CES5A: variants seen among roughly 807,000 people sequenced by gnomAD.
CES5A encodes carboxylesterase 5A.
In CES5A, 67 loss-of-function variants were observed where a neutral mutation model predicts 62.9. That is an observed-to-expected ratio of 1.07 (90% CI 0.88 to 1.31). The LOEUF is 1.31. CES5A is among the 50% of genes most tolerant of loss of function. The pLI, the probability that CES5A is intolerant of heterozygous loss-of-function variation, is 0.00. For synonymous variants in CES5A, 296 were observed against 280.8 expected (o/e 1.05, Z -0.54); for missense variants, 748 against 708.5 (o/e 1.06, Z -0.63).
chr16:55,863,316 G>C (rs184756559), intron 6 of CES5A, 32 bp downstream of exon 6: 1 of 1,108,478 alleles, frequency 9.0e-7, no homozygotes, highest in East Asian at 2.4e-5. Flanking sequence ...ACTGAGGAGA[G>C]GAAGGTGGCA....
At chr16:55,870,641 T>C (rs1461429170) in intron 3 of CES5A, among the ~76,000 whole-genome samples, 1 of 152,120 alleles carries the variant, frequency 6.6e-6, no homozygotes, top group Non-Finnish European at 1.5e-5. Flanking sequence ...AAGGTCGCAG[T>C]GAGCCAAGTT....
At chr16:55,933,113 T>C (rs531066694) in intron 2 of CES5A, among the ~76,000 whole-genome samples, 1 of 152,324 alleles carries the variant, frequency 6.6e-6, no homozygotes, top group South Asian at 2.1e-4. Context: ...CCATTTGGAA[T>C]ACATGGCCTT....
intron 2 of CES5A, chr16:55,943,913 G>A (rs968450741): frequency 4.8e-6 from 3 of 627,238 alleles, no homozygotes; most frequent in South Asian, 3.6e-5. Context: ...TATCCAGTAA[G>A]AGGGTCTAGA....
chr16:55,948,582 GCTAT>G (rs1197490924), intron 2 of CES5A, among the ~76,000 whole-genome samples: 1 of 152,118 alleles, frequency 6.6e-6, no homozygotes, highest in African/African-American at 2.4e-5. Flanking sequence ...CTATCTTGTA[GCTAT>G]CTATTTATGA....
rs566610044 is a variant in CES5A at position 55,865,989 on chromosome 16, C to G, written c.679G>C (p.Ala227Pro). 6.8e-6 allele frequency: 11 copies of G among 1,614,118 alleles called. No homozygotes were observed. The highest frequency in any genetic ancestry group is 6.7e-5 in the East Asian group (3 of 44,894). Residue 227 changes from alanine (A) to proline (P), a missense_variant, in exon 5 of 13, where the codon GCG (alanine) becomes CCG (proline). Physicochemically the swap from Ala to Pro is conservative, Grantham distance 27. Coordinates refer to ENST00000290567, the MANE Select transcript of CES5A (RefSeq NM_001143685.2). ...PSSVTIFGESAGAISVSSLIL... is the reference protein window; with the variant it reads ...PSSVTIFGESPGAISVSSLIL... ...AGACTAGAAACACTTATGGCTCCCG[C>G]GGACTCGCCAAAGATGGTCACAGAG...
chr16:55,875,119 A>G (rs2033670437), intron 1 of CES5A, 30 bp downstream of exon 1: 1 of 1,604,052 alleles, frequency 6.2e-7, no homozygotes, highest in African/African-American at 1.3e-5. Flanking sequence ...CCATCTTCTG[A>G]GAGCCCTCCT....
chr16:55,930,210 A>C (rs2034296324), upstream of CES5A, among the ~76,000 whole-genome samples: 1 of 148,418 alleles, frequency 6.7e-6, no homozygotes, highest in Non-Finnish European at 1.5e-5. Context: ...AGAACCCCCC[A>C]CAATTCAGCA....
In CES5A at chr16:55,846,663, G is replaced by A; in HGVS notation, c.1516C>T (p.Leu506=). Reference sequence around the variant, plus strand: ...AGATTATAAGCTGGCCACAGAGACAGGTCGTTCCCATTAGGATTCCTAGAA... The same window carrying A: ...AGATTATAAGCTGGCCACAGAGACAAGTCGTTCCCATTAGGATTCCTAGAA... ...ARTGNPNGND[L]SLWPAYNLTE... The change falls in exon 13 of 13, where the codon CTG becomes TTG. Residue 506 remains leucine (L), a synonymous_variant. Transcript: ENST00000290567. 1 of 1,614,130 alleles carries A rather than the reference G, an allele frequency of 6.2e-7. No individual in the cohort carries two copies. The highest frequency in any genetic ancestry group is 8.5e-7 in the Non-Finnish European group (1 of 1,180,002).
At chr16:55,946,356 T>TG (rs1402085189) in intron 2 of CES5A, among the ~76,000 whole-genome samples, 1 of 151,842 alleles carries the variant, frequency 6.6e-6, no homozygotes, top group Non-Finnish European at 1.5e-5. Context: ...GGGAGCCTTG[T>TG]GAAAAAAAAA....
chr16:55,899,649 G>A (rs28441339), intron 1 of CES5A, among the ~76,000 whole-genome samples: 19,415 of 152,156 alleles, frequency 0.13, 1,433 homozygotes, highest in South Asian at 0.17. Flanking sequence ...TAAAGCAGTC[G>A]TTCCCAACCA....
At chr16:55,889,796 C>A (rs1269707012) in intron 1 of CES5A, among the ~76,000 whole-genome samples, 1 of 152,182 alleles carries the variant, frequency 6.6e-6, no homozygotes, top group Non-Finnish European at 1.5e-5. Context: ...CAGCTCCCAT[C>A]CTCTGGCTAT....
chr16:55,948,283 C>T (rs962421089), intron 2 of CES5A, among the ~76,000 whole-genome samples: 1 of 152,016 alleles, frequency 6.6e-6, no homozygotes, highest in Non-Finnish European at 1.5e-5. Context: ...AGGATATGGT[C>T]ACATTTTTCT....
chr16:55,931,359 C>T (rs903398736), intron 2 of CES5A, among the ~76,000 whole-genome samples: 1 of 152,232 alleles, frequency 6.6e-6, no homozygotes, highest in Non-Finnish European at 1.5e-5. Flanking sequence ...AGGTCCTCCA[C>T]CTCACCATGA....
chr16:55,858,837 A>G (rs2033295538), intron 8 of CES5A, among the ~76,000 whole-genome samples: 1 of 152,222 alleles, frequency 6.6e-6, no homozygotes, highest in Admixed American at 6.5e-5. Context: ...TCAAAAAATC[A>G]TGGGTCTTTC....
intron 1 of CES5A, among the ~76,000 whole-genome samples, chr16:55,893,863 A>C (rs1016639925): frequency 6.6e-6 from 1 of 152,166 alleles, no homozygotes; most frequent in Non-Finnish European, 1.5e-5. Flanking sequence ...TGCATATCTG[A>C]GAATCTCAAC....
intron 1 of CES5A, among the ~76,000 whole-genome samples, chr16:55,886,023 G>A (rs541009091): frequency 1.2e-4 from 18 of 152,264 alleles, no homozygotes; most frequent in East Asian, 5.8e-4. Context: ...AATCACATCC[G>A]TCCACTGCCT....
At chr16:55,897,879 G>A (rs1020607739) in intron 1 of CES5A, among the ~76,000 whole-genome samples, 4 of 152,282 alleles carry the variant, frequency 2.6e-5, no homozygotes, top group African/African-American at 7.2e-5. Context: ...ATAGTGGAAC[G>A]CTATACAGCA....
At chr16:55,909,791 T>G (rs2034075476) in intron 1 of CES5A, among the ~76,000 whole-genome samples, 1 of 152,184 alleles carries the variant, frequency 6.6e-6, no homozygotes, top group African/African-American at 2.4e-5. Flanking sequence ...TTTGGTTACC[T>G]CTGCTGGCCT....
At chr16:55,910,313 G>C (rs373210516) in intron 1 of CES5A, among the ~76,000 whole-genome samples, 2 of 152,264 alleles carry the variant, frequency 1.3e-5, no homozygotes, top group African/African-American at 4.8e-5. Flanking sequence ...GACAGAAGGC[G>C]CTATTCCATG....
Sources: gnomAD v4.1 joint callset for allele counts (sites outside exome capture counted in the v4.1 genomes callset) on GRCh38, gnomAD v4.1.1 for gene constraint, MANE v1.5 for transcripts, NCBI Gene and HGNC (gene_info 2026-07-23, HGNC 2026-07-21) for gene names.